DLG3: variants seen among roughly 807,000 people sequenced by gnomAD.
DLG3 encodes discs large MAGUK scaffold protein 3.
A neutral mutation model predicts 64.1 loss-of-function variants in DLG3; 1 was observed. The observed-to-expected ratio is 0.02, with a 90% CI of 0.01 to 0.07. The LOEUF (loss-of-function observed/expected upper bound fraction) is 0.07. Among genes scored for constraint, DLG3 ranks in the 10% least tolerant of loss-of-function variants. The probability of loss-of-function intolerance (pLI) is 1.00; values close to 1 mark genes in which losing one functional copy is unlikely to be tolerated. For synonymous variants in DLG3, 245 were observed against 259.8 expected (o/e 0.94, Z 0.55); for missense variants, 429 against 669.5 (o/e 0.64, Z 3.96).
intron 13 of DLG3, among the ~76,000 whole-genome samples, chrX:70,495,894 T>C (rs1028294245): frequency 1.8e-5 from 2 of 110,920 alleles, no homozygotes; most frequent in Non-Finnish European, 3.8e-5. Flanking sequence ...GGGGCAAGGG[T>C]ACTGTGACCC....
In DLG3 at chrX:70,449,748, C is replaced by T. The variant is rs2147770394; in HGVS notation, c.592C>T (p.Arg198Trp). The T allele has an allele frequency of 8.3e-7, 1 of 1,210,440 alleles. No homozygotes were observed. Among genetic ancestry groups the T allele is most frequent in the Admixed American group, 2.2e-5 (1 of 45,978 alleles). The change falls in exon 4 of 19, where the codon CGG becomes TGG. Residue 198 changes from arginine (R) to tryptophan (W), a missense_variant. By Grantham distance (101) the Arg-to-Trp change is moderately radical. Around this residue, in one of 9 missense-constraint regions of DLG3, gnomAD observed 73 missense variants for 158.5 expected, o/e 0.46. Coordinates refer to ENST00000374360, the MANE Select transcript of DLG3 (RefSeq NM_021120.4). ...GGACGTGTCGGAGGTGGTACACAGCCGGGCGGTGGAGGCGCTGAAGGAGGC... is the reference window on the plus strand; with the variant it reads ...GGACGTGTCGGAGGTGGTACACAGCTGGGCGGTGGAGGCGCTGAAGGAGGC... Reference protein sequence around the residue: ...EVDVSEVVHSRAVEALKEAGP... With the variant: ...EVDVSEVVHSWAVEALKEAGP...
At chrX:70,501,409 CTGTCTGTGTG>C (rs1367952941) in intron 18 of DLG3, among the ~76,000 whole-genome samples, 8 of 75,163 alleles carry the variant, frequency 1.1e-4, no homozygotes, top group African/African-American at 4.1e-4. Flanking sequence ...GTCTGTCTGT[CTGTCTGTGTG>C]TGTGTGTGTG....
At position 70,483,333 on chromosome X, in the gene DLG3, T is replaced by C. The variant is rs778999422; in HGVS notation, c.1520+4069T>C. ...ATCACACTTACTTTAGCTCCTACTA[T>C]GTAGAAAGCAGTAAAACACAAGGCT... On this transcript the variant is annotated intron_variant, in intron 10 of 18. Transcript: ENST00000374360. Among the ~76,000 whole-genome samples, 5 of 112,835 alleles carry C rather than the reference T, an allele frequency of 4.4e-5. No individual in the cohort carries two copies. In the South Asian group the frequency reaches 1.8e-3, roughly 41 times the overall value.
chrX:70,470,267 T>G (rs1338665396), intron 9 of DLG3, among the ~76,000 whole-genome samples: 2 of 110,640 alleles, frequency 1.8e-5, no homozygotes, highest in Non-Finnish European at 3.8e-5. Flanking sequence ...CTTGCTCTGT[T>G]GCCCAGGCTG....
At chrX:70,450,472 T>A (rs2086606415) in intron 5 of DLG3, 167 bp downstream of exon 5, 1 of 911,715 alleles carries the variant, frequency 1.1e-6, no homozygotes, top group Non-Finnish European at 1.5e-6. Context: ...ATTCTTTCTG[T>A]GGCCAGGGTC....
Position 70,502,421 on chromosome X carries a change from G to C in DLG3, c.*152G>C. The C allele has an allele frequency of 1.2e-5, 5 of 418,175 alleles. No homozygotes were observed. Among genetic ancestry groups the C allele is most frequent in the Non-Finnish European group, 2.0e-5 (5 of 244,657 alleles). The allele number at this position is 418,175 out of a possible 1,213,427, so 34.5% of individuals were successfully genotyped here. A position where few individuals can be genotyped will look rare whatever the true frequency, so the allele number is the denominator to read the frequency against. On this transcript the variant is annotated 3_prime_UTR_variant, in exon 19 of 19. Transcript: ENST00000374360. ...AAAAAAAATTAAGTTTTCTAGTCCT[G>C]TTCTTTTTTTTTTTTTAAGTTTTTG...
intron 9 of DLG3, among the ~76,000 whole-genome samples, chrX:70,477,099 C>T (rs965139677): frequency 6.2e-5 from 7 of 112,392 alleles, no homozygotes; most frequent in Non-Finnish European, 9.4e-5. Flanking sequence ...ATGGTGGTTT[C>T]GTGGTTGTTT....
chrX:70,463,487 A>T (rs565114333), intron 9 of DLG3, among the ~76,000 whole-genome samples: 6 of 111,104 alleles, frequency 5.4e-5, no homozygotes, highest in African/African-American at 2.0e-4. Flanking sequence ...GCTTTTTAGG[A>T]TTTCTTTTTG....
chrX:70,469,311 C>G (rs921473736), intron 9 of DLG3, among the ~76,000 whole-genome samples: 2 of 111,405 alleles, frequency 1.8e-5, no homozygotes, highest in African/African-American at 6.5e-5. Flanking sequence ...CTGCATCTGG[C>G]CCCATAACTA....
rs145239383 is a variant in DLG3 at position 70,499,354 on chromosome X, T to C, written c.1972+77T>C. The C allele has an allele frequency of 2.9e-4, 227 of 785,630 alleles. No homozygotes were observed. In the African/African-American group the frequency reaches 4.1e-3, roughly 14 times the overall value. 64.7% of individuals were successfully genotyped at this position (785,630 alleles called of 1,213,427 possible). A position where few individuals can be genotyped will look rare whatever the true frequency, so the allele number is the denominator to read the frequency against. ...TTGCTCTAATGTTTTATGGAAAAGG[T>C]CTGGGATCAGATTCTAGGGCTATTT... On this transcript the variant is annotated intron_variant, in intron 15 of 18. Coordinates refer to ENST00000374360, the MANE Select transcript of DLG3 (RefSeq NM_021120.4).
chrX:70,451,165 G>A (rs778595969), intron 6 of DLG3: 6 of 198,579 alleles, frequency 3.0e-5, no homozygotes, highest in Non-Finnish European at 5.5e-5. Context: ...GCAGTGGCAC[G>A]ATGTCAGCTC....
chrX:70,492,636 G>T, intron 12 of DLG3, 40 bp downstream of exon 12: 1 of 1,137,761 alleles, frequency 8.8e-7, no homozygotes, highest in Non-Finnish European at 1.2e-6. Flanking sequence ...AGTAGGTAAA[G>T]AGGGTTGAGA....
intron 9 of DLG3, among the ~76,000 whole-genome samples, chrX:70,468,331 A>C (rs1311468849): frequency 1.8e-5 from 2 of 111,479 alleles, no homozygotes. Context: ...CGGCCTCCCA[A>C]AGTGCTGGGA....
chrX:70,480,243 C>T (rs2087128899), intron 10 of DLG3, among the ~76,000 whole-genome samples: 1 of 112,429 alleles, frequency 8.9e-6, no homozygotes, highest in African/African-American at 3.2e-5. Context: ...GGAAGTTGCA[C>T]TTGCTAGTTG....
rs1325105335 is a variant in DLG3 at position 70,500,381 on chromosome X, C to G, written c.2146-90C>G. ...CCCCTCCCCTCACCCCCACCCCCGG[C>G]CAAGGTGGATGTTTAGAATGTCACT... On this transcript the variant is annotated intron_variant, in intron 16 of 18. Transcript: ENST00000374360. The G allele has an allele frequency of 7.4e-6, 6 of 809,952 alleles. No homozygotes were observed. The Admixed American group carries it at 1.5e-4, about 20-fold the overall frequency. 66.7% of individuals were successfully genotyped at this position (809,952 alleles called of 1,213,427 possible). A position where few individuals can be genotyped will look rare whatever the true frequency, so the allele number is the denominator to read the frequency against.
intron 9 of DLG3, chrX:70,455,342 C>A (rs2086686171): frequency 1.3e-6 from 1 of 754,055 alleles, no homozygotes. Flanking sequence ...AGCCTCTTTT[C>A]CAACACTGCG....
chrX:70,499,787 C>A, intron 15 of DLG3, 90 bp from the exon 16 acceptor site: 1 of 994,420 alleles, frequency 1.0e-6, no homozygotes, highest in Non-Finnish European at 1.4e-6. Context: ...GCCCAGTGAC[C>A]CACCCAGATG....
At chrX:70,501,163 A>G (rs896541713) in intron 18 of DLG3, among the ~76,000 whole-genome samples, 174 bp downstream of exon 18, 6 of 111,264 alleles carry the variant, frequency 5.4e-5, no homozygotes, top group Non-Finnish European at 5.7e-5. Flanking sequence ...GTGTCCAGCC[A>G]TAGCAGTTCA....
intron 9 of DLG3, among the ~76,000 whole-genome samples, chrX:70,471,245 A>G (rs2086964215): frequency 9.0e-6 from 1 of 111,636 alleles, no homozygotes. Flanking sequence ...TAGATTTTAA[A>G]AGGGTGAGGT....
Sources: gnomAD v4.1 joint callset for allele counts (sites outside exome capture counted in the v4.1 genomes callset) on GRCh38, gnomAD v4.1.1 for gene constraint, gnomAD v4.1.1 regional missense constraint, MANE v1.5 for transcripts, NCBI Gene and HGNC (gene_info 2026-07-23, HGNC 2026-07-21) for gene names.